Variants in CELF2 observed in about 807,000 individuals in gnomAD.
The protein encoded by CELF2 is CUG triplet repeat RNA-binding protein 2.
CELF2 carries 8 observed loss-of-function variants against 62.6 expected under a neutral mutation model. The observed-to-expected ratio is 0.13, with a 90% CI of 0.07 to 0.23. The LOEUF (loss-of-function observed/expected upper bound fraction) is 0.23, where lower values mean the gene tolerates loss of function less well. Ranked by LOEUF, CELF2 falls within the 10% of genes least tolerant of loss-of-function variation. The pLI is 1.00. For missense variants in CELF2, 333 were observed against 671.0 expected (o/e 0.50, Z 5.56); for synonymous variants, 258 against 250.0 (o/e 1.03, Z -0.30).
chr10:10,721,512 T>C, the CELF2 span, among the ~76,000 whole-genome samples: 8 of 152,246 alleles, frequency 5.3e-5, no homozygotes, highest in African/African-American at 1.9e-4. Context: ...GTTCAATACC[T>C]ACTAATGCTT....
At chr10:10,839,239 G>C (rs1294730672) in intron 1 of CELF2, among the ~76,000 whole-genome samples, 3 of 152,188 alleles carry the variant, frequency 2.0e-5, no homozygotes, top group Admixed American at 6.5e-5. Flanking sequence ...TCAGCTGACA[G>C]AGCAAGGAAA....
the CELF2 span, among the ~76,000 whole-genome samples, chr10:10,696,319 G>A: frequency 3.8e-4 from 58 of 151,930 alleles, no homozygotes; most frequent in African/African-American, 1.3e-3. Flanking sequence ...CTGCTCAGGG[G>A]TCAGGGGTCA....
the CELF2 span, among the ~76,000 whole-genome samples, chr10:10,575,758 C>T: frequency 2.6e-5 from 4 of 152,072 alleles, no homozygotes; most frequent in African/African-American, 9.7e-5. Flanking sequence ...TTACAAAGAA[C>T]AAGATATTCA....
At chr10:10,820,301 A>G (rs2131953593) in intron 1 of CELF2, among the ~76,000 whole-genome samples, 1 of 152,324 alleles carries the variant, frequency 6.6e-6, no homozygotes, top group South Asian at 2.1e-4. Context: ...TGTAGAAATC[A>G]TTTAAAAAGG....
chr10:10,558,763 G>A, the CELF2 span, among the ~76,000 whole-genome samples: 1 of 152,088 alleles, frequency 6.6e-6, no homozygotes, highest in Non-Finnish European at 1.5e-5. Flanking sequence ...TTTAGTCTTG[G>A]GAGGGTGTAT....
intron 1 of CELF2, among the ~76,000 whole-genome samples, chr10:10,855,505 T>G (rs928846969): frequency 2.0e-5 from 3 of 152,210 alleles, no homozygotes; most frequent in Admixed American, 6.5e-5. Context: ...ACAGATTTAA[T>G]CCTTTCATAT....
chr10:10,952,674 CAA>C (rs370427448), intron 2 of CELF2, among the ~76,000 whole-genome samples: 42 of 102,022 alleles, frequency 4.1e-4, no homozygotes, highest in Middle Eastern at 5.9e-3. Flanking sequence ...TGAGATGGTC[CAA>C]AAAAAAAAAA....
chr10:10,749,692 G>T, the CELF2 span, among the ~76,000 whole-genome samples: 1 of 152,160 alleles, frequency 6.6e-6, no homozygotes, highest in Non-Finnish European at 1.5e-5. Context: ...TATGATCCCA[G>T]CTTTATTTAA....
the CELF2 span, among the ~76,000 whole-genome samples, chr10:10,704,759 G>T: frequency 1.2e-4 from 18 of 152,152 alleles, 1 homozygote; most frequent in South Asian, 2.7e-3. Flanking sequence ...GACCCAACAC[G>T]TGCTTCCACC....
intron 2 of CELF2, among the ~76,000 whole-genome samples, chr10:10,955,069 G>C (rs559225160): frequency 3.3e-5 from 5 of 152,212 alleles, no homozygotes; most frequent in Non-Finnish European, 7.3e-5. Flanking sequence ...ATTTTTTAAA[G>C]TATAATTTAT....
intron 2 of CELF2, among the ~76,000 whole-genome samples, chr10:11,206,945 C>G (rs542396294): frequency 1.4e-4 from 22 of 152,188 alleles, no homozygotes; most frequent in Non-Finnish European, 2.5e-4. Flanking sequence ...GTTCGTGAAA[C>G]AGCTGAACAC....
the CELF2 span, among the ~76,000 whole-genome samples, chr10:10,727,721 A>G: frequency 6.6e-6 from 1 of 151,564 alleles, no homozygotes; most frequent in African/African-American, 2.4e-5. Flanking sequence ...TGTTGCAGTG[A>G]GCTGAGATCG....
chr10:10,617,450 A>T, the CELF2 span, among the ~76,000 whole-genome samples: 17 of 152,144 alleles, frequency 1.1e-4, no homozygotes, highest in African/African-American at 3.9e-4. Context: ...CAAAGGAATG[A>T]CAGTATCAAA....
chr10:10,733,764 A>G, the CELF2 span, among the ~76,000 whole-genome samples: 4 of 152,086 alleles, frequency 2.6e-5, no homozygotes, highest in African/African-American at 9.7e-5. Context: ...ATATGAGGGA[A>G]CCACCCCCAC....
At chr10:10,826,644 A>G (rs140344648) in intron 1 of CELF2, among the ~76,000 whole-genome samples, 20 of 152,348 alleles carry the variant, frequency 1.3e-4, no homozygotes, top group Non-Finnish European at 2.4e-4. Flanking sequence ...GTGAGTGGAC[A>G]GAAGGTTCTA....
At chr10:11,025,237 G>GTATATATATATATA (rs763592456) in intron 1 of CELF2, among the ~76,000 whole-genome samples, 995 of 49,808 alleles carry the variant, frequency 0.02, 13 homozygotes, top group Non-Finnish European at 0.045. Context: ...GTGTGTGTGT[G>GTATATATATATATA]TGTATATGTA....
At chr10:11,107,036 A>G (rs927147445) in intron 1 of CELF2, among the ~76,000 whole-genome samples, 1 of 152,212 alleles carries the variant, frequency 6.6e-6, no homozygotes, top group Non-Finnish European at 1.5e-5. Context: ...TCCCACTTGA[A>G]CTGGGCTTAA....
At chr10:10,789,361 A>G in the CELF2 span, among the ~76,000 whole-genome samples, 2 of 152,044 alleles carry the variant, frequency 1.3e-5, no homozygotes, top group Non-Finnish European at 2.9e-5. Flanking sequence ...TTTTATAGAT[A>G]TGTCATATGC....
At chr10:10,614,022 T>A in the CELF2 span, among the ~76,000 whole-genome samples, 7,188 of 152,126 alleles carry the variant, frequency 0.047, 495 homozygotes, top group African/African-American at 0.15. Context: ...AATAAAGAGG[T>A]TGAGTCAGAA....
Sources: allele counts gnomAD v4.1 joint callset (sites outside exome capture counted in the v4.1 genomes callset), GRCh38; gene constraint gnomAD v4.1.1; transcripts MANE v1.5; gene names NCBI Gene and HGNC (gene_info 2026-07-23, HGNC 2026-07-21).